Variants in ERC2 observed in about 807,000 individuals in gnomAD.
The protein encoded by ERC2 is ERC protein 2.
ERC2 carries 42 observed loss-of-function variants against 114.8 expected under a neutral mutation model. The observed-to-expected ratio is 0.37, with a 90% CI of 0.29 to 0.47. The LOEUF is 0.47. Ranked by LOEUF, ERC2 falls within the 20% of genes least tolerant of loss-of-function variation. ERC2 has a pLI of 0.99. For synonymous variants in ERC2, 454 were observed against 425.5 expected (o/e 1.07, Z -0.82); for missense variants, 939 against 1,150.7 (o/e 0.82, Z 2.66).
rs114794153 is a variant in ERC2, at chr3:56,441,908, G to A, written c.-140-6761C>T. Among the ~76,000 whole-genome samples the A allele has an allele frequency of 3.5e-3, 538 of 152,346 alleles. 2 individuals are homozygous for A. The highest frequency in any genetic ancestry group is 5.0e-3 in the Non-Finnish European group (340 of 68,038). On this transcript the variant is annotated intron_variant, in intron 1 of 17. Transcript: ENST00000288221. The stretch of plus-strand genomic sequence containing the variant: ...AAATGAAACAGCTGGATACAGTGGC[G>A]TGTGCCTGTAGTCCCACTGCTTGCG...
At chr3:56,454,446 T>TA (rs997505388) in intron 1 of ERC2, among the ~76,000 whole-genome samples, 6 of 151,424 alleles carry the variant, frequency 4.0e-5, no homozygotes, top group Admixed American at 6.6e-5. Flanking sequence ...TAACCACCCT[T>TA]AAAAAAAAAT....
At chr3:55,639,485 CA>C (rs1247515067) in intron 17 of ERC2, among the ~76,000 whole-genome samples, 2 of 151,868 alleles carry the variant, frequency 1.3e-5, no homozygotes, top group Non-Finnish European at 2.9e-5. Context: ...AGGCTGGAGA[CA>C]AAGAGGAAGA....
At chr3:55,712,507 G>C (rs2063826731) in intron 15 of ERC2, among the ~76,000 whole-genome samples, 1 of 152,146 alleles carries the variant, frequency 6.6e-6, no homozygotes, top group Admixed American at 6.5e-5. Context: ...AGATTGTTGG[G>C]TTTTTTGAGT....
At chr3:55,840,725 A>G (rs2061094570) in intron 14 of ERC2, among the ~76,000 whole-genome samples, 1 of 152,132 alleles carries the variant, frequency 6.6e-6, no homozygotes. Context: ...ACCGGAAACA[A>G]TCCAAATGTG....
chr3:55,881,919 T>C (rs1258446400), intron 14 of ERC2, among the ~76,000 whole-genome samples: 3 of 152,342 alleles, frequency 2.0e-5, no homozygotes, highest in East Asian at 3.9e-4. Flanking sequence ...TGAAAATATA[T>C]GGTTGGTAAC....
chr3:56,452,652 C>T (rs1477810817), intron 1 of ERC2, among the ~76,000 whole-genome samples: 1 of 152,168 alleles, frequency 6.6e-6, no homozygotes, highest in Non-Finnish European at 1.5e-5. Flanking sequence ...AAGATATCAT[C>T]TAAGTCTGAG....
chr3:55,706,123 A>C (rs544880503), intron 15 of ERC2, among the ~76,000 whole-genome samples: 1 of 152,204 alleles, frequency 6.6e-6, no homozygotes, highest in African/African-American at 2.4e-5. Context: ...AGGGAAGGAG[A>C]TGGTACATAA....
intron 1 of ERC2, 105 bp from the exon 2 acceptor site, chr3:56,435,252 A>T: frequency 1.7e-5 from 6 of 363,414 alleles, no homozygotes; most frequent in African/African-American, 2.1e-5. Flanking sequence ...CTATGTAGAT[A>T]GGTGATTAAT....
intron 3 of ERC2, among the ~76,000 whole-genome samples, chr3:56,247,337 T>C (rs1448526906): frequency 1.3e-5 from 2 of 152,244 alleles, no homozygotes; most frequent in African/African-American, 4.8e-5. Context: ...ATGTTATGAA[T>C]ATGCACACCT....
rs376465239 is a variant in ERC2 at position 55,992,206 on chromosome 3, T to C, written c.2106A>G (p.Ala702=). 5.7e-5 allele frequency: 92 copies of C among 1,613,878 alleles called. No homozygotes were observed. The Middle Eastern group carries it at 9.9e-4, about 17-fold the overall frequency. Residue 702 remains alanine (A), a synonymous_variant, in exon 11 of 18, where the codon GCA becomes GCG. Transcript: ENST00000288221. ...CTTTATCGAGCTGTTTTATTTGGTC[T>C]GCAAACTCAGGGTTCATCCTGGAGT... ...EDDSRMNPEF[A]DQIKQLDKEA...
In ERC2 at chr3:55,938,743, C is replaced by T. The variant is rs976977984; in HGVS notation, c.2403+11682G>A. Among the ~76,000 whole-genome samples the T allele has an allele frequency of 5.9e-5, 9 of 152,180 alleles. No homozygotes were observed. The South Asian group carries it at 8.3e-4, about 14-fold the overall frequency. On this transcript the variant is annotated intron_variant, in intron 13 of 17. Transcript: ENST00000288221. Reference sequence around the variant, plus strand: ...AAGTCTGCTGGTAATGACACAGGGACGCTCTGTGCTTCATTTTCAACCCGT... The same window carrying T: ...AAGTCTGCTGGTAATGACACAGGGATGCTCTGTGCTTCATTTTCAACCCGT...
intron 14 of ERC2, among the ~76,000 whole-genome samples, chr3:55,875,236 G>A (rs2062771885): frequency 6.6e-6 from 1 of 152,208 alleles, no homozygotes; most frequent in Admixed American, 6.5e-5. Flanking sequence ...GGAAGAGAAA[G>A]AAGCTCCAAG....
chr3:55,642,811 T>C (rs180896584), intron 17 of ERC2, among the ~76,000 whole-genome samples: 248 of 152,330 alleles, frequency 1.6e-3, no homozygotes, highest in Non-Finnish European at 2.8e-3. Flanking sequence ...AGAAGTGTTT[T>C]ACTCTCAAGA....
intron 17 of ERC2, among the ~76,000 whole-genome samples, chr3:55,576,511 G>A (rs73079414): frequency 4.9e-4 from 75 of 152,314 alleles, no homozygotes; most frequent in Non-Finnish European, 9.7e-4. Context: ...TGATGCAGCA[G>A]GGCTCAAACC....
chr3:55,725,867 G>A (rs140044351), intron 15 of ERC2, among the ~76,000 whole-genome samples: 1 of 152,152 alleles, frequency 6.6e-6, no homozygotes, highest in Non-Finnish European at 1.5e-5. Flanking sequence ...CAAACTGAGT[G>A]GATTCCCTGA....
At chr3:56,201,008 T>G (rs908439602) in intron 3 of ERC2, among the ~76,000 whole-genome samples, 1 of 152,194 alleles carries the variant, frequency 6.6e-6, no homozygotes, top group African/African-American at 2.4e-5. Context: ...AGTACCTTAC[T>G]CATGTGACCT....
At chr3:55,553,248 C>G (rs1272331365) in intron 17 of ERC2, among the ~76,000 whole-genome samples, 3 of 151,602 alleles carry the variant, frequency 2.0e-5, no homozygotes, top group Non-Finnish European at 2.9e-5. Context: ...TCTTGAACTT[C>G]TGACCTTGTG....
At chr3:56,196,289 C>T (rs906797762) in intron 3 of ERC2, among the ~76,000 whole-genome samples, 1 of 152,098 alleles carries the variant, frequency 6.6e-6, no homozygotes, top group Non-Finnish European at 1.5e-5. Flanking sequence ...CACACTCCCT[C>T]CTCACAGAGA....
At chr3:55,576,843 G>A (rs1386786156) in intron 17 of ERC2, among the ~76,000 whole-genome samples, 4 of 152,244 alleles carry the variant, frequency 2.6e-5, no homozygotes, top group African/African-American at 4.8e-5. Flanking sequence ...CGCATCGTGC[G>A]AGGGAGGCTT....
Sources: allele counts gnomAD v4.1 joint callset (sites outside exome capture counted in the v4.1 genomes callset), GRCh38; gene constraint gnomAD v4.1.1; transcripts MANE v1.5; gene names NCBI Gene and HGNC (gene_info 2026-07-23, HGNC 2026-07-21).